HOTAIR: variants seen among roughly 807,000 people sequenced by gnomAD.
HOTAIR encodes HOX transcript antisense RNA.
At chr12:53,965,290 TGC>T (rs1939030966) in intron 5 of HOTAIR, among the ~76,000 whole-genome samples, 3 of 152,090 alleles carry the variant, frequency 2.0e-5, no homozygotes, top group South Asian at 2.1e-4. Flanking sequence ...GCTTTCCCCA[TGC>T]CCCCCCAGCC....
At chr12:53,963,127 T>A (rs1456637137) in exon 7 of HOTAIR, 1 of 152,216 alleles carries the variant, frequency 6.6e-6, no homozygotes, top group Non-Finnish European at 1.5e-5. Context: ...GAATCTTAAG[T>A]CTAGGAATCA....
exon 3 of HOTAIR, chr12:53,967,366 C>G (rs979166715): frequency 6.6e-6 from 1 of 152,188 alleles, no homozygotes; most frequent in African/African-American, 2.4e-5. Context: ...GTGGAACTCC[C>G]AGGCCTCAGT....
chr12:53,973,727 C>T lies in HOTAIR; in HGVS notation n.59+1171G>A, dbSNP rs762773791. 5.6e-6 allele frequency: 9 copies of T among 1,612,174 alleles called. No homozygotes were observed. In the South Asian group the frequency reaches 8.8e-5, roughly 16 times the overall value. On this transcript the variant is annotated intron_variant and non_coding_transcript_variant, in intron 1 of 6. Transcript: ENST00000424518. The surrounding 1 kb of genome is among the most constrained non-coding windows in gnomAD (Gnocchi z 4.3). ...TCTTCGACAACGCCTACTGCGGTGG[C>T]GGCGACCCGCCCGCCGAGCCCCCCT...
At chr12:53,967,344 G>A (rs968611548) in exon 3 of HOTAIR, 1 of 152,106 alleles carries the variant, frequency 6.6e-6, no homozygotes, top group African/African-American at 2.4e-5. Flanking sequence ...CCAGGAGCAG[G>A]GGTGTTGGTC....
chr12:53,973,561 C>T lies in HOTAIR; in HGVS notation n.59+1337G>A. On this transcript the variant is annotated intron_variant and non_coding_transcript_variant, in intron 1 of 6. Transcript: ENST00000424518. This position sits in a 1 kb window ranked among gnomAD's most constrained non-coding sequence, Gnocchi z 4.3. ...CTTATGCACCGGGAGTGCCTGCCTCCTTCCACCGTCACCGAGATCCTCATG... is the reference window on the plus strand; with the variant it reads ...CTTATGCACCGGGAGTGCCTGCCTCTTTCCACCGTCACCGAGATCCTCATG... The T allele has an allele frequency of 6.2e-7, 1 of 1,613,142 alleles. No individual in the cohort carries two copies. Among genetic ancestry groups the T allele is most frequent in the Non-Finnish European group, 8.5e-7 (1 of 1,179,972 alleles).
At chr12:53,962,355 A>G (rs566536199) in exon 7 of HOTAIR, 1 of 152,330 alleles carries the variant, frequency 6.6e-6, no homozygotes, top group South Asian at 2.1e-4. Context: ...ACCACCACAC[A>G]CACACAACCT....
At position 53,973,820 on chromosome 12, in the gene HOTAIR, T is replaced by G; in HGVS notation, n.59+1078A>C. 6.8e-7 allele frequency: 1 copy of G among 1,467,636 alleles called. No homozygotes were observed. The highest frequency in any genetic ancestry group is 9.1e-7 in the Non-Finnish European group (1 of 1,101,142). 90.9% of individuals were successfully genotyped at this position (1,467,636 alleles called of 1,614,324 possible). A position where few individuals can be genotyped will look rare whatever the true frequency, so the allele number is the denominator to read the frequency against. ...CGGCCTCGGGACTGGCGTCCCGGGC[T>G]GAGGCGGGTGCCGAGGCGGAGGCTG... is the stretch of plus-strand genomic sequence containing the variant. On this transcript the variant is annotated intron_variant and non_coding_transcript_variant, in intron 1 of 6. Coordinates refer to ENST00000424518, the Ensembl canonical transcript of HOTAIR. The surrounding 1 kb of genome is among the most constrained non-coding windows in gnomAD (Gnocchi z 4.3).
Position 53,973,715 on chromosome 12 carries a change from C to T in HOTAIR, n.59+1183G>A. On this transcript the variant is annotated intron_variant and non_coding_transcript_variant, in intron 1 of 6. Transcript: ENST00000424518. The surrounding 1 kb of genome is among the most constrained non-coding windows in gnomAD (Gnocchi z 4.3). ...CCTTCGACCGTTTCTTCGACAACGCCTACTGCGGTGGCGGCGACCCGCCCG... is the reference window on the plus strand; with the variant it reads ...CCTTCGACCGTTTCTTCGACAACGCTTACTGCGGTGGCGGCGACCCGCCCG... 1.2e-6 allele frequency: 2 copies of T among 1,613,442 alleles called. No homozygotes were observed. The highest frequency in any genetic ancestry group is 1.7e-6 in the Non-Finnish European group (2 of 1,179,998).
In HOTAIR at chr12:53,973,791, C is replaced by A; in HGVS notation, n.59+1107G>T. The A allele has an allele frequency of 2.5e-6, 4 of 1,595,404 alleles. No homozygotes were observed. The highest frequency in any genetic ancestry group is 4.5e-5 in the East Asian group (2 of 44,480). ...CGAGGCCAAGGGGGAGCCCGAGGCA[C>A]CCCCGGCCTCGGGACTGGCGTCCCG... On this transcript the variant is annotated intron_variant and non_coding_transcript_variant, in intron 1 of 6. Transcript: ENST00000424518. This position sits in a 1 kb window ranked among gnomAD's most constrained non-coding sequence, Gnocchi z 4.3.
chr12:53,969,845 T>C (rs1452485416), intron 1 of HOTAIR, among the ~76,000 whole-genome samples: 1 of 152,008 alleles, frequency 6.6e-6, no homozygotes, highest in Non-Finnish European at 1.5e-5. Flanking sequence ...CAGTTCATGG[T>C]CTGTGGGATG....
In HOTAIR at chr12:53,973,314, C is replaced by G; in HGVS notation, n.59+1584G>C. The G allele has an allele frequency of 1.3e-5, 21 of 1,614,022 alleles. No individual in the cohort carries two copies. Among genetic ancestry groups the G allele is most frequent in the Non-Finnish European group, 1.8e-5 (21 of 1,180,016 alleles). The stretch of plus-strand genomic sequence containing the variant: ...GGAGAGGGGCGCAGATTTCGGCGAG[C>G]GAGGGAGCTGCGCCTCCAACCTCTA... On this transcript the variant is annotated intron_variant and non_coding_transcript_variant, in intron 1 of 6. Transcript: ENST00000424518. The surrounding 1 kb of genome is among the most constrained non-coding windows in gnomAD (Gnocchi z 4.3).
At position 53,973,889 on chromosome 12, in the gene HOTAIR, C is replaced by T. The variant is rs1026866948; in HGVS notation, n.59+1009G>A. 2.1e-6 allele frequency: 3 copies of T among 1,450,336 alleles called. No individual in the cohort carries two copies. Among genetic ancestry groups the T allele is most frequent in the South Asian group, 1.5e-5 (1 of 68,052 alleles). The allele number at this position is 1,450,336 out of a possible 1,614,324, so 89.8% of individuals were successfully genotyped here. ...CCAGCTCGTCCGGTTCAGCCCACTC[C>T]GTGGCCAAGGAGCCGGCCAAAGGAG... On this transcript the variant is annotated intron_variant and non_coding_transcript_variant, in intron 1 of 6. Transcript: ENST00000424518. The surrounding 1 kb of genome is among the most constrained non-coding windows in gnomAD (Gnocchi z 4.3).
exon 7 of HOTAIR, chr12:53,963,637 G>A (rs984230776): frequency 6.6e-6 from 1 of 152,290 alleles, no homozygotes; most frequent in African/African-American, 2.4e-5. Flanking sequence ...CTGAGATAGA[G>A]GTGCTTGGCC....
chr12:53,969,943 C>A (rs1349132626), intron 1 of HOTAIR, among the ~76,000 whole-genome samples: 1 of 152,220 alleles, frequency 6.6e-6, no homozygotes, highest in Non-Finnish European at 1.5e-5. Flanking sequence ...ACGCTGTGTG[C>A]GGGAGTTTGC....
chr12:53,963,591 C>G (rs1938994103), exon 7 of HOTAIR: 1 of 152,318 alleles, frequency 6.6e-6, no homozygotes, highest in African/African-American at 2.4e-5. Context: ...GCCTCCCAGT[C>G]CCCCCACCGA....
At chr12:53,970,436 C>T (rs766538235) in intron 1 of HOTAIR, among the ~76,000 whole-genome samples, 13 of 152,202 alleles carry the variant, frequency 8.5e-5, no homozygotes, top group Non-Finnish European at 1.8e-4. Flanking sequence ...AGACCATGGG[C>T]ATTTTTGCCA....
At chr12:53,970,965 C>T (rs963247569) in intron 1 of HOTAIR, among the ~76,000 whole-genome samples, 2 of 152,182 alleles carry the variant, frequency 1.3e-5, no homozygotes, top group African/African-American at 2.4e-5. Flanking sequence ...TCATCCACAC[C>T]TCTGCAAGGA....
At chr12:53,965,012 A>G (rs908862828) in intron 5 of HOTAIR, among the ~76,000 whole-genome samples, 2 of 152,248 alleles carry the variant, frequency 1.3e-5, no homozygotes, top group African/African-American at 4.8e-5. Flanking sequence ...TTTATAGCCA[A>G]ACAAGATATG....
At chr12:53,962,634 C>T (rs1938972486) in exon 7 of HOTAIR, 1 of 151,666 alleles carries the variant, frequency 6.6e-6, no homozygotes, top group African/African-American at 2.4e-5. Context: ...CTGTTTAAGA[C>T]ACAATTCTCT....
Sources: gnomAD v4.1 joint callset for allele counts (sites outside exome capture counted in the v4.1 genomes callset) on GRCh38, gnomAD v4.1.1 for gene constraint, Gnocchi (gnomAD v3.1) non-coding constraint, MANE v1.5 for transcripts, NCBI Gene and HGNC (gene_info 2026-07-23, HGNC 2026-07-21) for gene names.